The following PRICKLE1 variants were observed in gnomAD, a reference collection of about 807,000 sequenced individuals.
The protein encoded by PRICKLE1 is prickle-like protein 1.
In PRICKLE1, 14 loss-of-function variants were observed where a neutral mutation model predicts 70.2. That is an observed-to-expected ratio of 0.20 (90% CI 0.13 to 0.31). The LOEUF is 0.31. PRICKLE1 is among the 10% of genes least tolerant of loss of function. The pLI is 1.00. For synonymous variants in PRICKLE1, 357 were observed against 379.9 expected, an observed-to-expected ratio of 0.94 and a Z score of 0.70; for missense variants, 821 against 1,026.2, an observed-to-expected ratio of 0.80 and a Z score of 2.73.
intron 1 of PRICKLE1, among the ~76,000 whole-genome samples, chr12:42,530,412 A>G (rs550322258): frequency 1.3e-5 from 2 of 152,256 alleles, no homozygotes; most frequent in South Asian, 4.2e-4. Flanking sequence ...ATTATATTCA[A>G]GTCACTGTTC....
intron 1 of PRICKLE1, among the ~76,000 whole-genome samples, chr12:42,564,860 G>A (rs751596028): frequency 1.3e-5 from 2 of 152,044 alleles, no homozygotes; most frequent in African/African-American, 2.4e-5. Context: ...CAACACCACC[G>A]GTAATAAAGA....
chr12:42,510,340 C>G (rs1373877885), intron 1 of PRICKLE1, among the ~76,000 whole-genome samples: 1 of 151,958 alleles, frequency 6.6e-6, no homozygotes, highest in Non-Finnish European at 1.5e-5. Flanking sequence ...GTGATCCACC[C>G]GCCTCTGCCT....
intron 1 of PRICKLE1, among the ~76,000 whole-genome samples, chr12:42,516,826 C>A (rs552290838): frequency 6.6e-6 from 1 of 152,294 alleles, no homozygotes; most frequent in Non-Finnish European, 1.5e-5. Context: ...CACCCCCTCT[C>A]CCCACCCCTT....
intron 1 of PRICKLE1, among the ~76,000 whole-genome samples, chr12:42,502,253 C>T (rs190890614): frequency 7.3e-6 from 1 of 137,912 alleles, no homozygotes; most frequent in East Asian, 2.0e-4. Context: ...ATATACACAC[C>T]TATATATATA....
chr12:42,461,070 G>A lies in PRICKLE1; in HGVS notation c.1640-405C>T, dbSNP rs12582269. ...CTACTTTTGTATTTTTAGTAAAGAC[G>A]GGGTTTCTCCATGTTGGTCAGGCTG... On this transcript the variant is annotated intron_variant, in intron 7 of 7. Transcript: ENST00000345127. 7.1e-3 allele frequency among the ~76,000 whole-genome samples: 1,080 copies of A among 152,144 alleles called. 43 individuals carry two copies. In the East Asian group the frequency reaches 0.091, roughly 13 times the overall value.
intron 1 of PRICKLE1, among the ~76,000 whole-genome samples, chr12:42,506,255 CTTTCTTTTTTTT>C (rs1286847863): frequency 4.7e-5 from 2 of 42,466 alleles, no homozygotes; most frequent in Admixed American, 7.7e-4. Flanking sequence ...TTTTTTCTTT[CTTTCTTTTTTTT>C]TTTTTTTGAG....
chr12:42,511,315 G>A (rs1376943099), intron 1 of PRICKLE1, among the ~76,000 whole-genome samples: 1 of 152,188 alleles, frequency 6.6e-6, no homozygotes, highest in African/African-American at 2.4e-5. Flanking sequence ...TGCATCCTTA[G>A]CACGTAATTA....
At chr12:42,547,104 C>T (rs1398358018) in intron 1 of PRICKLE1, among the ~76,000 whole-genome samples, 1 of 152,178 alleles carries the variant, frequency 6.6e-6, no homozygotes, top group African/African-American at 2.4e-5. Flanking sequence ...AAGTTACCTT[C>T]TGTAGCTGGA....
chr12:42,529,499 T>G (rs935245278), intron 1 of PRICKLE1, among the ~76,000 whole-genome samples: 2 of 152,264 alleles, frequency 1.3e-5, no homozygotes, highest in Non-Finnish European at 2.9e-5. Flanking sequence ...ATATTAGTTC[T>G]CTTGTTTAAA....
intron 7 of PRICKLE1, among the ~76,000 whole-genome samples, chr12:42,462,171 A>G (rs1937871754): frequency 6.6e-6 from 1 of 151,780 alleles, no homozygotes; most frequent in African/African-American, 2.4e-5. Flanking sequence ...AGCCCCTAAC[A>G]CTTAAATGTG....
At chr12:42,574,076 T>C (rs1487313205) in intron 1 of PRICKLE1, among the ~76,000 whole-genome samples, 1 of 152,156 alleles carries the variant, frequency 6.6e-6, no homozygotes, top group Non-Finnish European at 1.5e-5. Context: ...GGGGTTATGG[T>C]CACTGGCTTA....
At chr12:42,583,241 A>G (rs941935558) in intron 1 of PRICKLE1, among the ~76,000 whole-genome samples, 3 of 152,078 alleles carry the variant, frequency 2.0e-5, no homozygotes, top group African/African-American at 7.2e-5. Context: ...AGGTTTTAAT[A>G]GACTTTCTAT....
chr12:42,519,357 C>T lies in PRICKLE1; in HGVS notation c.-48-46793G>A, dbSNP rs529336130. Among the ~76,000 whole-genome samples, 5 of 151,738 alleles carry T rather than the reference C, an allele frequency of 3.3e-5. No individual in the cohort carries two copies. The East Asian group carries it at 5.8e-4, about 18-fold the overall frequency. ...GATAATAGATGTGTGCCACCATGCC[C>T]GGCTAATTTTGTGTTTTTAGTAGAG... is the stretch of plus-strand genomic sequence containing the variant. On this transcript the variant is annotated intron_variant, in intron 1 of 7. Coordinates refer to ENST00000345127, the MANE Select transcript of PRICKLE1 (RefSeq NM_153026.3).
chr12:42,478,726 CTTTT>C (rs11300615), intron 1 of PRICKLE1, among the ~76,000 whole-genome samples: 1 of 136,588 alleles, frequency 7.3e-6, no homozygotes, highest in Non-Finnish European at 1.5e-5. Context: ...CTGGGATACT[CTTTT>C]TTTTTTTTTT....
chr12:42,499,676 C>T (rs1348136834), intron 1 of PRICKLE1, among the ~76,000 whole-genome samples: 1 of 151,750 alleles, frequency 6.6e-6, no homozygotes, highest in East Asian at 1.9e-4. Context: ...CCACCACGGC[C>T]TCCCAAAGTG....
chr12:42,551,843 G>C (rs1940322851), intron 1 of PRICKLE1, among the ~76,000 whole-genome samples: 1 of 151,926 alleles, frequency 6.6e-6, no homozygotes, highest in African/African-American at 2.4e-5. Context: ...TAAGGATTTT[G>C]AATTTTTAAA....
chr12:42,542,301 T>C (rs935511575), intron 1 of PRICKLE1, among the ~76,000 whole-genome samples: 1 of 152,200 alleles, frequency 6.6e-6, no homozygotes, highest in African/African-American at 2.4e-5. Flanking sequence ...TATGATTTTT[T>C]TTCATAATGT....
chr12:42,532,661 G>A (rs1939939660), intron 1 of PRICKLE1, among the ~76,000 whole-genome samples: 1 of 152,142 alleles, frequency 6.6e-6, no homozygotes, highest in African/African-American at 2.4e-5. Context: ...ACTTTGGGAG[G>A]CTGAGGCGGG....
At chr12:42,473,420 C>T (rs2140127699) in intron 1 of PRICKLE1, among the ~76,000 whole-genome samples, 1 of 152,322 alleles carries the variant, frequency 6.6e-6, no homozygotes, top group Admixed American at 6.5e-5. Context: ...AATAAAAAGC[C>T]TCCTTGGATG....
Sources: allele counts gnomAD v4.1 joint callset (sites outside exome capture counted in the v4.1 genomes callset), GRCh38; gene constraint gnomAD v4.1.1; transcripts MANE v1.5; gene names NCBI Gene and HGNC (gene_info 2026-07-23, HGNC 2026-07-21).